DIAPH3: variants seen among roughly 807,000 people sequenced by gnomAD.
The protein encoded by DIAPH3 is protein diaphanous homolog 3.
In DIAPH3, 117 loss-of-function variants were observed where a neutral mutation model predicts 144.3. The ratio of observed to expected loss-of-function variants is 0.81; its 90% CI spans 0.70 to 0.95. The LOEUF (loss-of-function observed/expected upper bound fraction) is 0.95. Among genes scored for constraint, DIAPH3 ranks in the 40% least tolerant of loss-of-function variants. The pLI, the probability that DIAPH3 is intolerant of heterozygous loss-of-function variation, is 0.00. For missense variants in DIAPH3, 1,421 were observed against 1,412.7 expected, an observed-to-expected ratio of 1.01 and a Z score of -0.09; for synonymous variants, 519 against 488.9, an observed-to-expected ratio of 1.06 and a Z score of -0.81.
At chr13:59,938,159 T>G (rs1051325584) in intron 17 of DIAPH3, among the ~76,000 whole-genome samples, 1 of 152,220 alleles carries the variant, frequency 6.6e-6, no homozygotes, top group African/African-American at 2.4e-5. Context: ...TTCCATTATT[T>G]GCCTGATCTG....
chr13:59,684,079 C>A (rs1466572731), intron 27 of DIAPH3, among the ~76,000 whole-genome samples: 3 of 151,776 alleles, frequency 2.0e-5, no homozygotes, highest in African/African-American at 7.2e-5. Flanking sequence ...GCCAAGGAGC[C>A]AGCTGTTATC....
intron 17 of DIAPH3, among the ~76,000 whole-genome samples, chr13:59,930,595 A>G (rs574424656): frequency 1.3e-5 from 2 of 152,302 alleles, no homozygotes; most frequent in South Asian, 4.1e-4. Context: ...AAAATATTAA[A>G]CAGAAATAAA....
At chr13:59,780,545 T>C (rs560761247) in intron 25 of DIAPH3, among the ~76,000 whole-genome samples, 3 of 152,300 alleles carry the variant, frequency 2.0e-5, no homozygotes, top group South Asian at 2.1e-4. Flanking sequence ...CTAGACTAAC[T>C]GCAAAAGTCA....
intron 27 of DIAPH3, among the ~76,000 whole-genome samples, chr13:59,675,958 G>C (rs1243673404): frequency 6.6e-6 from 1 of 152,112 alleles, no homozygotes; most frequent in Admixed American, 6.5e-5. Flanking sequence ...AATACTTTAG[G>C]ACTAGAACAT....
intron 11 of DIAPH3, among the ~76,000 whole-genome samples, chr13:59,991,595 G>T (rs1457794873): frequency 6.6e-6 from 1 of 151,890 alleles, no homozygotes; most frequent in African/African-American, 2.4e-5. Context: ...GACCAACAGA[G>T]CTGGTGGTCA....
rs2037190985 is a variant in DIAPH3, at chr13:59,755,080, T to C, written c.3319+19109A>G. 2.0e-5 allele frequency among the ~76,000 whole-genome samples: 3 copies of C among 152,214 alleles called. No homozygotes were observed. In the South Asian group the frequency reaches 6.2e-4, roughly 31 times the overall value. ...TGTTTAGTTTTTCTGTTTAAATGCT[T>C]ATATGTTCTGTATTGCTCATACAGC... On this transcript the variant is annotated intron_variant, in intron 27 of 27. Transcript: ENST00000400324.
chr13:59,767,604 A>G (rs2037920813), intron 27 of DIAPH3, among the ~76,000 whole-genome samples: 1 of 152,080 alleles, frequency 6.6e-6, no homozygotes. Flanking sequence ...GCCATAAGAA[A>G]AGGGAGAGAT....
intron 13 of DIAPH3, among the ~76,000 whole-genome samples, chr13:59,981,739 C>T (rs1169781840): frequency 3.3e-5 from 5 of 150,968 alleles, no homozygotes; most frequent in African/African-American, 7.3e-5. Context: ...TTACTGTATC[C>T]AAATCTTAAT....
chr13:59,838,267 T>C (rs999398396), intron 23 of DIAPH3: 6 of 152,146 alleles, frequency 3.9e-5, no homozygotes. Flanking sequence ...TCAACATTAC[T>C]TTCAGGAAAT....
At chr13:60,021,130 C>T (rs1158932644) in intron 5 of DIAPH3, 2 of 152,192 alleles carry the variant, frequency 1.3e-5, no homozygotes, top group Non-Finnish European at 2.9e-5. Flanking sequence ...AAAAGATCTG[C>T]ACATCTTAAA....
chr13:59,939,074 G>T (rs1338212843), intron 17 of DIAPH3, among the ~76,000 whole-genome samples: 1 of 152,108 alleles, frequency 6.6e-6, no homozygotes, highest in Non-Finnish European at 1.5e-5. Context: ...GAATCATGTA[G>T]TTAAAATTTT....
At chr13:59,953,666 C>T (rs549718341) in intron 17 of DIAPH3, among the ~76,000 whole-genome samples, 3 of 152,198 alleles carry the variant, frequency 2.0e-5, no homozygotes, top group South Asian at 2.1e-4. Context: ...CTGGAGTAAA[C>T]GATGTGTAGA....
At chr13:59,772,670 C>T (rs959103519) in intron 27 of DIAPH3, among the ~76,000 whole-genome samples, 13 of 152,120 alleles carry the variant, frequency 8.5e-5, no homozygotes, top group Admixed American at 3.9e-4. Context: ...GTTATCTGAA[C>T]TAATTTTCCC....
At chr13:59,987,218 C>A (rs948708923) in intron 12 of DIAPH3, among the ~76,000 whole-genome samples, 15 of 151,556 alleles carry the variant, frequency 9.9e-5, no homozygotes, top group African/African-American at 3.4e-4. Context: ...AGTAAACTAT[C>A]GCAAGAACGA....
intron 27 of DIAPH3, among the ~76,000 whole-genome samples, chr13:59,746,832 T>C (rs1422938233): frequency 6.6e-6 from 1 of 152,224 alleles, no homozygotes; most frequent in Non-Finnish European, 1.5e-5. Context: ...TCTCATTATG[T>C]ATAATTTATA....
intron 5 of DIAPH3, among the ~76,000 whole-genome samples, chr13:60,033,495 G>A (rs1249532040): frequency 6.6e-6 from 1 of 152,166 alleles, no homozygotes; most frequent in Non-Finnish European, 1.5e-5. Flanking sequence ...GTCGGCCTTA[G>A]GAAGCTTGGT....
chr13:59,896,741 G>C (rs1431024429), intron 20 of DIAPH3, among the ~76,000 whole-genome samples: 2 of 152,112 alleles, frequency 1.3e-5, no homozygotes, highest in Non-Finnish European at 2.9e-5. Context: ...GCTTTTAAAG[G>C]CTCATATTTC....
intron 5 of DIAPH3, among the ~76,000 whole-genome samples, chr13:60,022,150 A>T (rs2054069194): frequency 6.6e-6 from 1 of 152,160 alleles, no homozygotes; most frequent in Non-Finnish European, 1.5e-5. Flanking sequence ...AGTTTTTGAT[A>T]GATTTCTTGA....
At chr13:60,142,832 A>C (rs1257467657) in intron 1 of DIAPH3, among the ~76,000 whole-genome samples, 1 of 151,850 alleles carries the variant, frequency 6.6e-6, no homozygotes, top group African/African-American at 2.4e-5. Context: ...ATCATAGCTC[A>C]CTGCAGTCTC....
Sources: allele counts gnomAD v4.1 joint callset (sites outside exome capture counted in the v4.1 genomes callset), GRCh38; gene constraint gnomAD v4.1.1; transcripts MANE v1.5; gene names NCBI Gene and HGNC (gene_info 2026-07-23, HGNC 2026-07-21).